Variants in DENND1A observed in about 807,000 individuals in gnomAD.
The protein encoded by DENND1A is DENN domain-containing protein 1A.
Under a neutral mutation model 113.7 loss-of-function variants are expected in DENND1A, and 51 were observed. The ratio of observed to expected loss-of-function variants is 0.45; its 90% confidence interval spans 0.36 to 0.57. DENND1A has a LOEUF of 0.57. DENND1A is among the 20% of genes least tolerant of loss of function. DENND1A has a pLI of 0.00. For missense variants in DENND1A, 1,258 were observed against 1,395.9 expected (o/e 0.90, Z 1.57); for synonymous variants, 565 against 570.8 (o/e 0.99, Z 0.14).
chr9:123,551,144 A>G (rs556767190), intron 13 of DENND1A, among the ~76,000 whole-genome samples: 1 of 152,352 alleles, frequency 6.6e-6, no homozygotes, highest in East Asian at 1.9e-4. Flanking sequence ...ATTGTTAAAT[A>G]TCTTGGGCTT....
chr9:123,846,330 T>C (rs1842614104), intron 2 of DENND1A, among the ~76,000 whole-genome samples: 1 of 152,194 alleles, frequency 6.6e-6, no homozygotes, highest in Admixed American at 6.5e-5. Context: ...GATCCAGCAA[T>C]GCCATTCCTA....
intron 13 of DENND1A, among the ~76,000 whole-genome samples, chr9:123,497,474 T>G (rs570194367): frequency 6.6e-6 from 1 of 152,134 alleles, no homozygotes; most frequent in African/African-American, 2.4e-5. Context: ...CACAACACCA[T>G]GTCCAGCTAA....
At chr9:123,435,756 G>C (rs542483627) in intron 19 of DENND1A, among the ~76,000 whole-genome samples, 22 of 152,358 alleles carry the variant, frequency 1.4e-4, no homozygotes, top group African/African-American at 5.1e-4. Flanking sequence ...CATTCTCCTG[G>C]CAAGGAGGGA....
chr9:123,402,158 CA>C (rs2043524639), intron 21 of DENND1A, among the ~76,000 whole-genome samples: 1 of 152,208 alleles, frequency 6.6e-6, no homozygotes, highest in African/African-American at 2.4e-5. Flanking sequence ...TTGTGCAGAG[CA>C]AAAGTTAAAC....
intron 1 of DENND1A, among the ~76,000 whole-genome samples, chr9:123,912,149 T>C (rs2134033761): frequency 6.6e-6 from 1 of 152,322 alleles, no homozygotes; most frequent in Non-Finnish European, 1.5e-5. Flanking sequence ...TACTTTACTG[T>C]ATGTAAATGA....
chr9:123,454,848 G>GCTTT, intron 15 of DENND1A, 69 bp from the exon 16 acceptor site: 5 of 1,302,706 alleles, frequency 3.8e-6, no homozygotes, highest in Non-Finnish European at 5.2e-6. Flanking sequence ...CCTTAAAATT[G>GCTTT]CTTTTTTTTT....
intron 19 of DENND1A, among the ~76,000 whole-genome samples, chr9:123,438,763 C>T (rs2046706815): frequency 6.6e-6 from 1 of 152,102 alleles, no homozygotes; most frequent in Non-Finnish European, 1.5e-5. Flanking sequence ...AATTGTTTAT[C>T]CCCCACCCGT....
intron 5 of DENND1A, among the ~76,000 whole-genome samples, chr9:123,741,208 A>G (rs1245941799): frequency 6.6e-6 from 1 of 152,234 alleles, no homozygotes; most frequent in African/African-American, 2.4e-5. Flanking sequence ...AAAAGTGATA[A>G]GTCTGCTAGA....
intron 5 of DENND1A, among the ~76,000 whole-genome samples, chr9:123,718,123 A>G (rs1285219031): frequency 6.6e-6 from 1 of 152,228 alleles, no homozygotes; most frequent in Non-Finnish European, 1.5e-5. Context: ...TTAAAAGCAC[A>G]TACACTAATG....
At chr9:123,767,589 G>T (rs1829026896) in intron 4 of DENND1A, among the ~76,000 whole-genome samples, 1 of 152,148 alleles carries the variant, frequency 6.6e-6, no homozygotes, top group Admixed American at 6.5e-5. Context: ...CACCCAGACA[G>T]GTAGGTAAGT....
chr9:123,614,591 TAA>T (rs879563400), intron 10 of DENND1A, among the ~76,000 whole-genome samples: 1 of 142,386 alleles, frequency 7.0e-6, no homozygotes. Context: ...ACTGGCTGCT[TAA>T]AAAAAAAAAA....
At chr9:123,845,670 C>CAAAAAAAAAAAAAAAAAAAAAAAAAAAAA (rs555731367) in intron 2 of DENND1A, among the ~76,000 whole-genome samples, 5 of 44,094 alleles carry the variant, frequency 1.1e-4, no homozygotes, top group African/African-American at 7.7e-5. Context: ...AACCTGTCTC[C>CAAAAAAAAAAAAAAAAAAAAAAAAAAAAA]AAAAAAAAAA....
intron 8 of DENND1A, among the ~76,000 whole-genome samples, chr9:123,653,540 A>C (rs908495193): frequency 2.6e-5 from 4 of 152,216 alleles, no homozygotes; most frequent in African/African-American, 9.7e-5. Context: ...TGTTCCTTGA[A>C]CTAAGTATTA....
At chr9:123,765,080 G>A (rs1208352998) in intron 4 of DENND1A, among the ~76,000 whole-genome samples, 1 of 152,184 alleles carries the variant, frequency 6.6e-6, no homozygotes, top group African/African-American at 2.4e-5. Context: ...TCCTATGTCT[G>A]TGTGGGTTTC....
intron 22 of DENND1A, among the ~76,000 whole-genome samples, chr9:123,385,965 T>C (rs2042541384): frequency 6.6e-6 from 1 of 152,194 alleles, no homozygotes; most frequent in Non-Finnish European, 1.5e-5. Flanking sequence ...CTAGTTTCTT[T>C]TCAAACACAC....
chr9:123,833,156 A>G (rs1177090736), intron 2 of DENND1A, among the ~76,000 whole-genome samples: 3 of 149,928 alleles, frequency 2.0e-5, no homozygotes, highest in Non-Finnish European at 4.4e-5. Context: ...AAAGGAAACG[A>G]AAGAAAAAAA....
chr9:123,617,935 G>A (rs2060739740), intron 10 of DENND1A, among the ~76,000 whole-genome samples: 1 of 121,730 alleles, frequency 8.2e-6, no homozygotes, highest in South Asian at 2.4e-4. Context: ...CAGAAAAAAA[G>A]GATAAAAAAA....
chr9:123,581,897 C>T (rs577715029), intron 12 of DENND1A, among the ~76,000 whole-genome samples: 10 of 152,324 alleles, frequency 6.6e-5, no homozygotes, highest in South Asian at 2.1e-4. Flanking sequence ...CCACACTTGC[C>T]GGTGAGGCCC....
intron 12 of DENND1A, among the ~76,000 whole-genome samples, chr9:123,574,383 C>G (rs777811865): frequency 6.6e-6 from 1 of 151,946 alleles, no homozygotes; most frequent in Non-Finnish European, 1.5e-5. Context: ...GAAAGTTTTA[C>G]AGATTTAAAA....
Sources: allele counts gnomAD v4.1 joint callset (sites outside exome capture counted in the v4.1 genomes callset), GRCh38; gene constraint gnomAD v4.1.1; transcripts MANE v1.5; gene names NCBI Gene and HGNC (gene_info 2026-07-23, HGNC 2026-07-21).